AGMO: variants seen among roughly 807,000 people sequenced by gnomAD.
The protein encoded by AGMO is glyceryl-ether monooxygenase.
In AGMO, 75 loss-of-function variants were observed where a neutral mutation model predicts 60.2. The ratio of observed to expected loss-of-function variants is 1.25; its 90% CI spans 1.03 to 1.51. AGMO has a LOEUF of 1.51. AGMO is among the 40% of genes most tolerant of loss of function. The pLI is 0.00. For synonymous variants in AGMO, 261 were observed against 177.1 expected (o/e 1.47, Z -3.76); for missense variants, 763 against 525.5 (o/e 1.45, Z -4.42).
At chr7:15,529,630 T>TATATATATTCTATATAC (rs1562554886) in intron 3 of AGMO, among the ~76,000 whole-genome samples, 15 of 29,408 alleles carry the variant, frequency 5.1e-4, no homozygotes, top group African/African-American at 3.0e-3. Context: ...AATATATATA[T>TATATATATTCTATATAC]AGAATATATA....
chr7:15,313,240 T>C (rs1362644430), intron 12 of AGMO, among the ~76,000 whole-genome samples: 1 of 152,112 alleles, frequency 6.6e-6, no homozygotes, highest in Non-Finnish European at 1.5e-5. Context: ...TTAGGAAAAA[T>C]AACATCCCCC....
At chr7:15,291,618 C>T (rs986679564) in intron 12 of AGMO, among the ~76,000 whole-genome samples, 10 of 152,030 alleles carry the variant, frequency 6.6e-5, no homozygotes, top group African/African-American at 2.4e-4. Flanking sequence ...AAAAACTTGT[C>T]AACTGAAAAG....
chr7:15,506,020 T>C lies in AGMO; in HGVS notation c.409+38752A>G, dbSNP rs73294314. ...TAGAAAAGAACCAGAAAATACAATTTTGATCTCATAAAATTCAAAACTACC... is the reference window on the plus strand; with the variant it reads ...TAGAAAAGAACCAGAAAATACAATTCTGATCTCATAAAATTCAAAACTACC... On this transcript the variant is annotated intron_variant, in intron 3 of 12. Transcript: ENST00000342526. 7.3e-3 allele frequency among the ~76,000 whole-genome samples: 1,105 copies of C among 152,110 alleles called. 12 individuals are homozygous for C. The highest frequency in any genetic ancestry group is 0.025 in the African/African-American group (1,030 of 41,502).
chr7:15,452,174 T>A (rs903359956), intron 3 of AGMO, among the ~76,000 whole-genome samples: 1 of 152,092 alleles, frequency 6.6e-6, no homozygotes, highest in Non-Finnish European at 1.5e-5. Context: ...TGACATTGGA[T>A]TAGGCAATGG....
intron 3 of AGMO, among the ~76,000 whole-genome samples, chr7:15,441,472 T>C (rs1781552115): frequency 2.0e-5 from 3 of 152,158 alleles, no homozygotes; most frequent in African/African-American, 4.8e-5. Context: ...CTTAAATACA[T>C]TCAAAAGGAG....
At chr7:15,449,423 A>G (rs1254797271) in intron 3 of AGMO, among the ~76,000 whole-genome samples, 1 of 152,132 alleles carries the variant, frequency 6.6e-6, no homozygotes, top group African/African-American at 2.4e-5. Context: ...AGGACAGACC[A>G]CATATATCAT....
At chr7:15,510,425 G>A (rs1783639584) in intron 3 of AGMO, among the ~76,000 whole-genome samples, 1 of 151,658 alleles carries the variant, frequency 6.6e-6, no homozygotes, top group East Asian at 1.9e-4. Flanking sequence ...CAATCCTCTC[G>A]TCTCCACCTC....
At chr7:15,527,566 G>A (rs968009707) in intron 3 of AGMO, among the ~76,000 whole-genome samples, 1 of 152,038 alleles carries the variant, frequency 6.6e-6, no homozygotes, top group Non-Finnish European at 1.5e-5. Flanking sequence ...GTGTTGATCT[G>A]GAAGCTACAG....
intron 3 of AGMO, among the ~76,000 whole-genome samples, chr7:15,451,318 TC>T (rs11308595): frequency 0.63 from 95,123 of 152,074 alleles, 30,348 homozygotes; most frequent in Non-Finnish European, 0.69. Context: ...ATAAAATGAT[TC>T]CAATCTTTAT....
chr7:15,402,917 T>C (rs1784591206), intron 5 of AGMO, among the ~76,000 whole-genome samples: 1 of 151,740 alleles, frequency 6.6e-6, no homozygotes, highest in Admixed American at 6.6e-5. Context: ...TCACTAGGTT[T>C]TAAAAGTGAA....
chr7:15,233,036 C>G (rs1416352037), intron 12 of AGMO, among the ~76,000 whole-genome samples: 1 of 151,972 alleles, frequency 6.6e-6, no homozygotes, highest in African/African-American at 2.4e-5. Context: ...TGCCATGCAT[C>G]CCATTATAAA....
intron 8 of AGMO, among the ~76,000 whole-genome samples, chr7:15,389,751 T>C (rs1042874512): frequency 2.0e-5 from 3 of 152,316 alleles, no homozygotes; most frequent in African/African-American, 7.2e-5. Context: ...AGAACCTTGG[T>C]TTCCTCCATC....
At chr7:15,459,373 G>A (rs1485700776) in intron 3 of AGMO, among the ~76,000 whole-genome samples, 1 of 152,160 alleles carries the variant, frequency 6.6e-6, no homozygotes, top group Admixed American at 6.5e-5. Context: ...AGGAGATCCA[G>A]AGAGTTCTCA....
chr7:15,504,614 C>A (rs986732553), intron 3 of AGMO, among the ~76,000 whole-genome samples: 1 of 151,892 alleles, frequency 6.6e-6, no homozygotes, highest in Admixed American at 6.6e-5. Context: ...GGAGGAATTG[C>A]TCCATAATTC....
chr7:15,329,651 A>G (rs948520089), intron 12 of AGMO, among the ~76,000 whole-genome samples: 2 of 152,186 alleles, frequency 1.3e-5, no homozygotes, highest in African/African-American at 4.8e-5. Context: ...AATTACACCT[A>G]TGTTATTCTT....
rs529730919 is a variant in AGMO at position 15,334,239 on chromosome 7, A to T, written c.1263+31275T>A. ...ATATTGAAATGACATATAGAAATGTAAAATCTGAAATCTTTCTGAAGTTTT... is the reference window on the plus strand; with the variant it reads ...ATATTGAAATGACATATAGAAATGTTAAATCTGAAATCTTTCTGAAGTTTT... On this transcript the variant is annotated intron_variant, in intron 12 of 12. Coordinates refer to ENST00000342526, the MANE Select transcript of AGMO (RefSeq NM_001004320.2). Among the ~76,000 whole-genome samples the T allele has an allele frequency of 3.3e-5, 5 of 152,230 alleles. No homozygotes were observed. The East Asian group carries it at 9.6e-4, about 29-fold the overall frequency.
At chr7:15,299,830 TACAC>T (rs756832586) in intron 12 of AGMO, among the ~76,000 whole-genome samples, 3,156 of 47,758 alleles carry the variant, frequency 0.066, 46 homozygotes, top group Middle Eastern at 0.2. Flanking sequence ...TCTGTCTACA[TACAC>T]ACACACACAC....
In AGMO at chr7:15,366,214, C is replaced by G. The variant is rs755873183; in HGVS notation, c.1083G>C (p.Ser361=). The G allele has an allele frequency of 6.2e-7, 1 of 1,603,322 alleles. No individual in the cohort carries two copies. The highest frequency in any genetic ancestry group is 8.5e-7 in the Non-Finnish European group (1 of 1,174,148). The change falls in exon 11 of 13, where the codon TCG becomes TCC. Residue 361 remains serine (S), a synonymous_variant. Transcript: ENST00000342526. ...AAACCCTCAGAAGGAGAGTAACTTGCGACAGTGCCTGTCAAACAAACACGG... is the reference window on the plus strand; with the variant it reads ...AAACCCTCAGAAGGAGAGTAACTTGGGACAGTGCCTGTCAAACAAACACGG... The part of the protein sequence containing the change: ...EETFADTAAL[S]QVTLLLRVCF...
At chr7:15,396,442 G>C (rs1212765567) in intron 5 of AGMO, 1 of 152,278 alleles carries the variant, frequency 6.6e-6, no homozygotes, top group African/African-American at 2.4e-5. Context: ...GAGAAGTGAA[G>C]CTGCACACCT....
Sources: gnomAD v4.1 joint callset for allele counts (sites outside exome capture counted in the v4.1 genomes callset) on GRCh38, gnomAD v4.1.1 for gene constraint, MANE v1.5 for transcripts, NCBI Gene and HGNC (gene_info 2026-07-23, HGNC 2026-07-21) for gene names.